TTYH3: variants seen among roughly 807,000 people sequenced by gnomAD.
TTYH3 encodes the protein protein tweety homolog 3.
A neutral mutation model predicts 68.2 loss-of-function variants in TTYH3; 23 were observed. The observed-to-expected ratio is 0.34, with a 90% confidence interval of 0.24 to 0.48. The LOEUF is 0.48. Ranked by LOEUF, TTYH3 falls within the 20% of genes least tolerant of loss-of-function variation. TTYH3 has a pLI of 0.99. For missense variants in TTYH3, 768 were observed against 727.7 expected (o/e 1.06, Z -0.64); for synonymous variants, 360 against 332.8 (o/e 1.08, Z -0.89).
Position 2,658,402 on chromosome 7 carries a change from A to G in TTYH3, c.1367A>G (p.Glu456Gly). 1 of 1,612,304 alleles carries G rather than the reference A, an allele frequency of 6.2e-7. No individual in the cohort carries two copies. Among genetic ancestry groups the G allele is most frequent in the South Asian group, 1.1e-5 (1 of 91,042 alleles). Residue 456 changes from glutamate to glycine, a missense_variant, in exon 12 of 14, where the codon GAG (glutamate) becomes GGG (glycine). By Grantham distance (98) the Glu-to-Gly change is moderately conservative. Transcript: ENST00000258796. ...AGCTGTGGCAGCAGCTACGGCAGTG[A>G]GACCAGCATCCCGGCCGCGGCCCAC... Reference protein sequence around the residue: ...LYSCGSSYGSETSIPAAAHTV... With the variant: ...LYSCGSSYGSGTSIPAAAHTV...
At chr7:2,636,955 C>T (rs1174980495) in intron 1 of TTYH3, among the ~76,000 whole-genome samples, 1 of 152,160 alleles carries the variant, frequency 6.6e-6, no homozygotes, top group African/African-American at 2.4e-5. Context: ...TGGAGTGCAG[C>T]AGCCTGGGAC....
At chr7:2,653,898 C>T (rs1362682948) in intron 9 of TTYH3, among the ~76,000 whole-genome samples, 1 of 152,030 alleles carries the variant, frequency 6.6e-6, no homozygotes, top group African/African-American at 2.4e-5. Context: ...AAATACGTTG[C>T]TATACTCTTG....
At chr7:2,640,215 C>G (rs1785800474) in intron 1 of TTYH3, among the ~76,000 whole-genome samples, 1 of 152,204 alleles carries the variant, frequency 6.6e-6, no homozygotes, top group African/African-American at 2.4e-5. Context: ...GAGGCTGCAT[C>G]GGGCCAAACT....
intron 12 of TTYH3, 66 bp from the exon 13 acceptor site, chr7:2,658,874 C>T: frequency 1.3e-6 from 2 of 1,528,886 alleles, no homozygotes; most frequent in East Asian, 4.5e-5. Flanking sequence ...CCCATGGGCC[C>T]CCCGACCTGC....
chr7:2,640,995 G>A (rs2114977535), intron 1 of TTYH3, among the ~76,000 whole-genome samples: 1 of 152,350 alleles, frequency 6.6e-6, no homozygotes, highest in African/African-American at 2.4e-5. Flanking sequence ...ACATCCTGGA[G>A]GAGATGGCCT....
intron 1 of TTYH3, among the ~76,000 whole-genome samples, chr7:2,639,842 G>A (rs1000475830): frequency 4.6e-5 from 7 of 152,304 alleles, no homozygotes; most frequent in Non-Finnish European, 1.0e-4. Context: ...GCGGGGCAGG[G>A]CTGGAACCCA....
chr7:2,660,446 G>A (rs1040157510), intron 13 of TTYH3: 16 of 985,450 alleles, frequency 1.6e-5, no homozygotes, highest in Middle Eastern at 5.2e-4. Context: ...GCGTGCACAC[G>A]GACAGGCACG....
At chr7:2,641,807 C>A (rs981340196) in intron 1 of TTYH3, among the ~76,000 whole-genome samples, 2 of 152,222 alleles carry the variant, frequency 1.3e-5, no homozygotes, top group South Asian at 2.1e-4. Context: ...CGGCACGCTC[C>A]CCGCAGACAG....
chr7:2,651,251 G>A (rs944415809), intron 7 of TTYH3, among the ~76,000 whole-genome samples: 1 of 152,186 alleles, frequency 6.6e-6, no homozygotes, highest in Non-Finnish European at 1.5e-5. Flanking sequence ...CCTTGAAGGT[G>A]ACCATCCTGC....
In TTYH3 at chr7:2,658,996, G is replaced by T. The variant is rs757298103; in HGVS notation, c.1481G>T (p.Arg494Leu). The change falls in exon 13 of 14, where the codon CGC (arginine) becomes CTC (leucine). Residue 494 changes from arginine (R) to leucine (L), a missense_variant. Transcript: ENST00000258796. ...PRCENTPLIGRESPPPSYTSS... is the reference protein window; with the variant it reads ...PRCENTPLIGLESPPPSYTSS... ...TGTGAGAACACCCCACTCATTGGGCGCGAGTCCCCGCCGCCCTCAGTAAGT... is the reference window on the plus strand; with the variant it reads ...TGTGAGAACACCCCACTCATTGGGCTCGAGTCCCCGCCGCCCTCAGTAAGT... 2 of 1,614,054 alleles carry T rather than the reference G, an allele frequency of 1.2e-6. No individual in the cohort carries two copies. The highest frequency in any genetic ancestry group is 4.5e-5 in the East Asian group (2 of 44,886).
chr7:2,661,873 T>C lies in TTYH3; in HGVS notation c.*134T>C. The C allele has an allele frequency of 2.1e-6, 2 of 966,908 alleles. No individual in the cohort carries two copies. Among genetic ancestry groups the C allele is most frequent in the Non-Finnish European group, 1.6e-6 (1 of 641,702 alleles). The allele number at this position is 966,908 out of a possible 1,614,324, so 59.9% of individuals were successfully genotyped here. ...GCCCCAGACGCGTCTGCAGGCCGCT[T>C]GCCCTCCTGTCCCCTCCCCGCAGGG... On this transcript the variant is annotated 3_prime_UTR_variant, in exon 14 of 14. Transcript: ENST00000258796.
Sources: gnomAD v4.1 joint callset for allele counts (sites outside exome capture counted in the v4.1 genomes callset) on GRCh38, gnomAD v4.1.1 for gene constraint, MANE v1.5 for transcripts, NCBI Gene and HGNC (gene_info 2026-07-23, HGNC 2026-07-21) for gene names.